Variants in DGKG observed in about 807,000 individuals in gnomAD.
DGKG encodes DAG kinase gamma.
Under a neutral mutation model 105.3 loss-of-function variants are expected in DGKG, and 78 were observed. The observed-to-expected ratio is 0.74, with a 90% confidence interval of 0.62 to 0.89. The LOEUF is 0.89. DGKG is among the 40% of genes least tolerant of loss of function. DGKG has a pLI of 0.00. For missense variants in DGKG, 958 were observed against 1,020.1 expected, an observed-to-expected ratio of 0.94 and a Z score of 0.83; for synonymous variants, 346 against 367.1, an observed-to-expected ratio of 0.94 and a Z score of 0.66.
chr3:186,266,353 A>T (rs116039689), intron 13 of DGKG, among the ~76,000 whole-genome samples: 281 of 152,344 alleles, frequency 1.8e-3, no homozygotes, highest in African/African-American at 6.3e-3. Flanking sequence ...TATGAATGCC[A>T]GATGCCGATA....
At chr3:186,219,248 C>T (rs745324716) in intron 20 of DGKG, among the ~76,000 whole-genome samples, 137 of 152,054 alleles carry the variant, frequency 9.0e-4, no homozygotes, top group Non-Finnish European at 1.5e-3. Flanking sequence ...TGTTACCTCA[C>T]AGGTGCTGCA....
intron 17 of DGKG, among the ~76,000 whole-genome samples, chr3:186,254,089 T>A (rs950600818): frequency 7.9e-5 from 12 of 152,142 alleles, no homozygotes; most frequent in Non-Finnish European, 1.5e-4. Context: ...TGGCCTCAGA[T>A]CTACCGTGGC....
intron 19 of DGKG, among the ~76,000 whole-genome samples, chr3:186,245,974 A>T (rs775484069): frequency 2.6e-4 from 39 of 152,132 alleles, no homozygotes; most frequent in Non-Finnish European, 4.3e-4. Context: ...CAATTTTTAA[A>T]TTTTTTTATT....
At chr3:186,332,968 G>C (rs1309208593) in intron 1 of DGKG, among the ~76,000 whole-genome samples, 2 of 152,084 alleles carry the variant, frequency 1.3e-5, no homozygotes, top group African/African-American at 4.8e-5. Context: ...GTACCACCTT[G>C]GGACTCTATG....
chr3:186,265,779 C>A (rs191164087), intron 13 of DGKG, among the ~76,000 whole-genome samples: 1 of 147,662 alleles, frequency 6.8e-6, no homozygotes, highest in Non-Finnish European at 1.5e-5. Flanking sequence ...TCTCCTGTCT[C>A]GGCCTCCTTA....
intron 22 of DGKG, among the ~76,000 whole-genome samples, chr3:186,185,351 T>C (rs1275058963): frequency 6.6e-6 from 1 of 152,138 alleles, no homozygotes; most frequent in Non-Finnish European, 1.5e-5. Flanking sequence ...AAGCACATTG[T>C]AGGGGTGAGA....
intron 3 of DGKG, 160 bp downstream of exon 3, chr3:186,306,739 CAT>C: frequency 1.6e-6 from 1 of 606,622 alleles, no homozygotes; most frequent in Non-Finnish European, 3.0e-6. Flanking sequence ...GCTTGGGAAA[CAT>C]ATAATGCCAG....
intron 20 of DGKG, among the ~76,000 whole-genome samples, chr3:186,239,045 C>T (rs1470205420): frequency 6.6e-6 from 1 of 152,060 alleles, no homozygotes; most frequent in Non-Finnish European, 1.5e-5. Context: ...CATTCAGTAC[C>T]TTAGTACAAT....
intron 21 of DGKG, among the ~76,000 whole-genome samples, chr3:186,208,580 G>A (rs1485507716): frequency 6.6e-6 from 1 of 152,214 alleles, no homozygotes; most frequent in Non-Finnish European, 1.5e-5. Flanking sequence ...GGCCCTGCCT[G>A]TTCTGTGCAT....
chr3:186,178,467 T>G (rs936143405), intron 22 of DGKG, among the ~76,000 whole-genome samples: 47 of 152,216 alleles, frequency 3.1e-4, no homozygotes, highest in Non-Finnish European at 7.3e-5. Context: ...TAGAATTTTC[T>G]TCTGTATGTG....
At chr3:186,304,216 G>T (rs927224903) in intron 3 of DGKG, among the ~76,000 whole-genome samples, 5 of 152,254 alleles carry the variant, frequency 3.3e-5, no homozygotes, top group Non-Finnish European at 7.3e-5. Flanking sequence ...AGCAGCCGCC[G>T]CCAGGCTTTG....
At chr3:186,348,451 CTT>C (rs1159516433) in intron 1 of DGKG, among the ~76,000 whole-genome samples, 24 of 50,684 alleles carry the variant, frequency 4.7e-4, no homozygotes, top group African/African-American at 1.2e-3. Context: ...GGCTCATAAT[CTT>C]TTTTTTTTTT....
Position 186,147,797 on chromosome 3 carries a change from C to A in DGKG, c.*2293G>T. On this transcript the variant is annotated 3_prime_UTR_variant, in exon 25 of 25. Coordinates refer to ENST00000265022, the MANE Select transcript of DGKG (RefSeq NM_001346.3). Reference sequence around the variant, plus strand: ...TCTGTAAATGTCTTAGAATCAGTGACCCCAAACCTGAACCTGCCTCAGTTT... The same window carrying A: ...TCTGTAAATGTCTTAGAATCAGTGAACCCAAACCTGAACCTGCCTCAGTTT... 1.0e-6 allele frequency: 1 copy of A among 985,370 alleles called. No homozygotes were observed. The highest frequency in any genetic ancestry group is 1.2e-6 in the Non-Finnish European group (1 of 829,926). The allele number at this position is 985,370 out of a possible 1,614,324, so 61.0% of individuals were successfully genotyped here. A position where few individuals can be genotyped will look rare whatever the true frequency, so the allele number is the denominator to read the frequency against.
At chr3:186,237,061 T>C (rs1246447842) in intron 20 of DGKG, among the ~76,000 whole-genome samples, 1 of 152,252 alleles carries the variant, frequency 6.6e-6, no homozygotes, top group Admixed American at 6.5e-5. Context: ...TTTGGCTATC[T>C]GGAAGACTTT....
intron 10 of DGKG, 28 bp from the exon 11 acceptor site, chr3:186,272,371 G>T: frequency 6.4e-7 from 1 of 1,553,874 alleles, no homozygotes; most frequent in Non-Finnish European, 8.9e-7. Context: ...CAAGGCAGGT[G>T]CTTGTGAATA....
At chr3:186,268,425 C>A (rs1050802266) in intron 12 of DGKG, among the ~76,000 whole-genome samples, 1 of 152,132 alleles carries the variant, frequency 6.6e-6, no homozygotes, top group Non-Finnish European at 1.5e-5. Flanking sequence ...GGCAGGCACC[C>A]CCTCCTATGA....
At chr3:186,199,929 A>G (rs1718367680) in intron 21 of DGKG, among the ~76,000 whole-genome samples, 1 of 152,220 alleles carries the variant, frequency 6.6e-6, no homozygotes, top group South Asian at 2.1e-4. Flanking sequence ...GGTTTCATGC[A>G]TGAGATGCAA....
chr3:186,295,099 G>T (rs1723485768), intron 5 of DGKG, among the ~76,000 whole-genome samples: 1 of 152,274 alleles, frequency 6.6e-6, no homozygotes, highest in East Asian at 1.9e-4. Flanking sequence ...GCTGTGACAG[G>T]AGAAAAGATT....
chr3:186,297,608 C>T (rs1723648632), intron 4 of DGKG, 125 bp from the exon 5 acceptor site: 2 of 705,808 alleles, frequency 2.8e-6, no homozygotes, highest in Non-Finnish European at 5.0e-6. Context: ...GGTTATGTGT[C>T]AGCTGGGTTC....
Sources: allele counts gnomAD v4.1 joint callset (sites outside exome capture counted in the v4.1 genomes callset), GRCh38; gene constraint gnomAD v4.1.1; transcripts MANE v1.5; gene names NCBI Gene and HGNC (gene_info 2026-07-23, HGNC 2026-07-21).